The following HSPG2 variants were observed in gnomAD, a reference collection of about 807,000 sequenced individuals.
HSPG2 encodes the protein heparan sulfate proteoglycan 2.
A neutral mutation model predicts 526.6 loss-of-function variants in HSPG2; 278 were observed. The observed-to-expected ratio is 0.53, with a 90% CI of 0.48 to 0.58. HSPG2 has a LOEUF of 0.58. Among genes scored for constraint, HSPG2 ranks in the 20% least tolerant of loss-of-function variants. The pLI, the probability that HSPG2 is intolerant of heterozygous loss-of-function variation, is 0.00. For missense variants in HSPG2, 5,354 were observed against 6,099.5 expected, an observed-to-expected ratio of 0.88 and a Z score of 4.07; for synonymous variants, 2,465 against 2,555.4, an observed-to-expected ratio of 0.96 and a Z score of 1.07.
intron 44 of HSPG2, among the ~76,000 whole-genome samples, chr1:21,856,170 G>A (rs541166675): frequency 3.9e-5 from 6 of 152,168 alleles, no homozygotes; most frequent in African/African-American, 7.2e-5. Flanking sequence ...ATGCTCTCCC[G>A]TCTGCCCACA....
In HSPG2 at chr1:21,828,022, C is replaced by CTGGG; in HGVS notation, c.12532+4_12532+7dup. The CTGGG allele has an allele frequency of 1.2e-6, 2 of 1,613,636 alleles. No homozygotes were observed. Among genetic ancestry groups the CTGGG allele is most frequent in the South Asian group, 2.2e-5 (2 of 91,070 alleles). On this transcript the variant is annotated splice_region_variant and intron_variant, in intron 90 of 96. Transcript: ENST00000374695. The surrounding 1 kb of genome is among the most constrained non-coding windows in gnomAD (Gnocchi z 6.0). The stretch of plus-strand genomic sequence containing the variant: ...GAGATGAAGTGGAGAGAAGCCAGGC[C>CTGGG]TGGGTACCTTGTTGGCAGCGTGGGC...
Position 21,824,552 on chromosome 1 carries a change from C to G in HSPG2, c.12729G>C (p.Leu4243=), listed in dbSNP as rs754573286. 1.9e-6 allele frequency: 3 copies of G among 1,613,608 alleles called. No homozygotes were observed. Among genetic ancestry groups the G allele is most frequent in the African/African-American group, 1.3e-5 (1 of 74,934 alleles). The change falls in exon 93 of 97, where the codon CTG becomes CTC. Residue 4243 remains leucine, a synonymous_variant. Coordinates refer to ENST00000374695, the MANE Select transcript of HSPG2 (RefSeq NM_005529.7). The surrounding 1 kb of genome is among the most constrained non-coding windows in gnomAD (Gnocchi z 5.9). ...CCACACTCACCACACCCTGCCAGAG[C>G]AGGAGGCCACTGGCTGTGCTGGTCC... is the stretch of plus-strand genomic sequence containing the variant. ...EVRTSTASGL[L]LWQGVEVGEA...
At chr1:21,915,161 C>T (rs190989732) in intron 1 of HSPG2, among the ~76,000 whole-genome samples, 56 of 152,030 alleles carry the variant, frequency 3.7e-4, no homozygotes, top group African/African-American at 1.2e-3. Flanking sequence ...AAACAGCACA[C>T]TTGGCGCCCT....
At chr1:21,840,164 G>C in intron 71 of HSPG2, 147 bp from the exon 72 acceptor site, 1 of 694,596 alleles carries the variant, frequency 1.4e-6, no homozygotes, top group Non-Finnish European at 2.5e-6. Flanking sequence ...TTTGAGACAG[G>C]GTCTTACTCT....
chr1:21,936,123 G>C (rs1644482500), intron 1 of HSPG2, among the ~76,000 whole-genome samples: 1 of 152,070 alleles, frequency 6.6e-6, no homozygotes, highest in South Asian at 2.1e-4. Flanking sequence ...CGGAGAGAGT[G>C]GGGGTGGCTC....
rs571191248 is a variant in HSPG2, at chr1:21,879,180, G to A, written c.2344-59C>T. On this transcript the variant is annotated intron_variant, in intron 17 of 96. Transcript: ENST00000374695. ...AGAGCAGAACTGGGCCAGATGCTGC[G>A]GGGGACCTTGGAGGCTGTCTAGCTC... The A allele has an allele frequency of 1.7e-3, 2,714 of 1,605,492 alleles. 1 individual carries two copies. Among genetic ancestry groups the A allele is most frequent in the Non-Finnish European group, 2.0e-3 (2,325 of 1,173,084 alleles).
rs1361328140 is a variant in HSPG2, at chr1:21,885,063, G to C, written c.1305C>G (p.Thr435=). The C allele has an allele frequency of 6.2e-7, 1 of 1,613,908 alleles. No homozygotes were observed. The highest frequency in any genetic ancestry group is 1.1e-5 in the South Asian group (1 of 91,086). Residue 435 remains threonine, a synonymous_variant, in exon 11 of 97, where the codon ACC becomes ACG. Coordinates refer to ENST00000374695, the MANE Select transcript of HSPG2 (RefSeq NM_005529.7). The part of the protein sequence containing the change: ...TFTCVAIGVP[T]PIINWRLNWG... ...AGTTGAGCCTCCAATTGATGATGGG[G>C]GTGGGGACGCCAATGGCCACGCAGG...
intron 1 of HSPG2, among the ~76,000 whole-genome samples, chr1:21,929,936 C>T (rs1172191441): frequency 6.6e-6 from 1 of 152,152 alleles, no homozygotes; most frequent in East Asian, 1.9e-4. Flanking sequence ...GCTCTGGACC[C>T]TCCCCGTGCT....
rs1388663797 is a variant in HSPG2 at position 21,859,695 on chromosome 1, G to A, written c.5183-19C>T. On this transcript the variant is annotated intron_variant, in intron 41 of 96. Coordinates refer to ENST00000374695, the MANE Select transcript of HSPG2 (RefSeq NM_005529.7). This position sits in a 1 kb window ranked among gnomAD's most constrained non-coding sequence, Gnocchi z 5.3. ...TCGGAGCCTGGTGGGGAGGAGACAA[G>A]AGCTTGTTGGTGCAGATACACTCTT... The A allele has an allele frequency of 4.4e-6, 7 of 1,597,114 alleles. No individual in the cohort carries two copies. The highest frequency in any genetic ancestry group is 6.0e-6 in the Non-Finnish European group (7 of 1,171,544).
Position 21,887,647 on chromosome 1 carries a change from G to T in HSPG2, c.731C>A (p.Thr244Lys). The T allele has an allele frequency of 6.2e-7, 1 of 1,613,990 alleles. No individual in the cohort carries two copies. The highest frequency in any genetic ancestry group is 8.5e-7 in the Non-Finnish European group (1 of 1,180,014). ...TGTCGTCTCCACAAGGAGAGAGAATGTGGGGCTGATACCCAGGACTGGCTC... is the reference window on the plus strand; with the variant it reads ...TGTCGTCTCCACAAGGAGAGAGAATTTGGGGCTGATACCCAGGACTGGCTC... ...CEEPVLGISPTFSLLVETTSL... is the reference protein window; with the variant it reads ...CEEPVLGISPKFSLLVETTSL... Residue 244 changes from threonine to lysine, a missense_variant, in exon 8 of 97, where the codon ACA becomes AAA. Transcript: ENST00000374695. The surrounding 1 kb of genome is among the most constrained non-coding windows in gnomAD (Gnocchi z 5.0).
At chr1:21,926,283 A>G (rs1191387823) in intron 1 of HSPG2, among the ~76,000 whole-genome samples, 1 of 152,220 alleles carries the variant, frequency 6.6e-6, no homozygotes, top group Non-Finnish European at 1.5e-5. Context: ...AGAAGGTGTC[A>G]GCACTCAGGG....
Position 21,887,106 on chromosome 1 carries a change from G to T in HSPG2, c.1078+109C>A, listed in dbSNP as rs1038989686. The T allele has an allele frequency of 2.5e-5, 28 of 1,116,928 alleles. No homozygotes were observed. Among genetic ancestry groups the T allele is most frequent in the East Asian group, 7.8e-5 (3 of 38,566 alleles). 69.2% of individuals were successfully genotyped at this position (1,116,928 alleles called of 1,614,324 possible). The stretch of plus-strand genomic sequence containing the variant: ...CAAACAGGCTTGGGGGACTGGGGAG[G>T]GGGGAAAGCGGAGGGGCAGGGTAGG... On this transcript the variant is annotated intron_variant, in intron 9 of 96. Transcript: ENST00000374695. This position sits in a 1 kb window ranked among gnomAD's most constrained non-coding sequence, Gnocchi z 5.0.
intron 64 of HSPG2, among the ~76,000 whole-genome samples, chr1:21,845,255 C>T (rs528693292): frequency 6.6e-6 from 1 of 151,786 alleles, no homozygotes; most frequent in African/African-American, 2.4e-5. Context: ...CAAAACAAAA[C>T]AAAACAAAAA....
In HSPG2 at chr1:21,828,310, C is replaced by A. The variant is rs371885206; in HGVS notation, c.12354G>T (p.Thr4118=). Residue 4118 remains threonine (T), a synonymous_variant, in exon 89 of 97, where the codon ACG becomes ACT. Transcript: ENST00000374695. This position sits in a 1 kb window ranked among gnomAD's most constrained non-coding sequence, Gnocchi z 6.0. ...CERQPCQHGA[T]CMPAGEYEFQ... ...ACTCATACTCGCCAGCGGGCATGCA[C>A]GTGGCACCATGTTGGCAAGGCTGGC... 1 of 1,613,724 alleles carries A rather than the reference C, an allele frequency of 6.2e-7. No homozygotes were observed. Among genetic ancestry groups the A allele is most frequent in the African/African-American group, 1.3e-5 (1 of 74,922 alleles).
chr1:21,887,821 C>A lies in HSPG2; in HGVS notation c.703+117G>T. On this transcript the variant is annotated intron_variant, in intron 7 of 96. Transcript: ENST00000374695. This position sits in a 1 kb window ranked among gnomAD's most constrained non-coding sequence, Gnocchi z 5.0. ...GGCTCTGTCATCACCCTTCCTATGC[C>A]CCCATCCTCTGCCTGCACCAAACCC... 6.4e-7 allele frequency: 1 copy of A among 1,572,798 alleles called. No homozygotes were observed.
At position 21,847,414 on chromosome 1, in the gene HSPG2, T is replaced by C. The variant is rs538590520; in HGVS notation, c.8104A>G (p.Ile2702Val). 3.2e-5 allele frequency: 51 copies of C among 1,613,768 alleles called. No homozygotes were observed. The South Asian group carries it at 5.3e-4, about 17-fold the overall frequency. The stretch of plus-strand genomic sequence containing the variant: ...ACGATGGAGGCCTCCAGGGCATCGA[T>C]GTTGTTGTTGGCCCGGCACACATAC... ...GEYVCRANNN[I>V]DALEASIVIS... The change falls in exon 62 of 97, where the codon ATC becomes GTC. Residue 2702 changes from isoleucine to valine, a missense_variant. Coordinates refer to ENST00000374695, the MANE Select transcript of HSPG2 (RefSeq NM_005529.7). The surrounding 1 kb of genome is among the most constrained non-coding windows in gnomAD (Gnocchi z 4.1).
At chr1:21,840,052 C>T (rs985285098) in intron 71 of HSPG2, 35 bp from the exon 72 acceptor site, 11 of 1,593,066 alleles carry the variant, frequency 6.9e-6, no homozygotes, top group Non-Finnish European at 9.5e-6. Flanking sequence ...TATGTGGGGA[C>T]TCAGTGGGGA....
Position 21,873,909 on chromosome 1 carries a change from C to A in HSPG2, c.3743+16G>T. On this transcript the variant is annotated intron_variant, in intron 29 of 96. Transcript: ENST00000374695. ...CCCTGTGCGCATCCCCCCACCCTCT[C>A]CACCCCCTGCCTCACCTCTCACAGT... The A allele has an allele frequency of 1.3e-6, 2 of 1,563,316 alleles. No individual in the cohort carries two copies. The highest frequency in any genetic ancestry group is 1.7e-6 in the Non-Finnish European group (2 of 1,152,724).
chr1:21,873,156 C>G, intron 30 of HSPG2, 65 bp from the exon 31 acceptor site: 2 of 1,365,486 alleles, frequency 1.5e-6, no homozygotes, highest in Admixed American at 1.7e-5. Context: ...CTTCCCTCCA[C>G]TCTGCTCACC....
Sources: allele counts gnomAD v4.1 joint callset (sites outside exome capture counted in the v4.1 genomes callset), GRCh38; gene constraint gnomAD v4.1.1; non-coding constraint Gnocchi (gnomAD v3.1); transcripts MANE v1.5; gene names NCBI Gene and HGNC (gene_info 2026-07-23, HGNC 2026-07-21).